The following LAMA1 variants were observed in gnomAD, a reference collection of about 807,000 sequenced individuals.
LAMA1 encodes the protein laminin subunit alpha-1.
Under a neutral mutation model 348.7 loss-of-function variants are expected in LAMA1, and 219 were observed. The ratio of observed to expected loss-of-function variants is 0.63; its 90% CI spans 0.56 to 0.70. LAMA1 has a LOEUF of 0.70. Ranked by LOEUF, LAMA1 falls within the 30% of genes least tolerant of loss-of-function variation. The pLI, the probability that LAMA1 is intolerant of heterozygous loss-of-function variation, is 0.00. For synonymous variants in LAMA1, 1,487 were observed against 1,491.0 expected (o/e 1.00, Z 0.06); for missense variants, 3,744 against 3,888.0 (o/e 0.96, Z 0.99).
intron 43 of LAMA1, 150 bp downstream of exon 43, chr18:6,978,046 C>G: frequency 1.6e-6 from 2 of 1,281,420 alleles, no homozygotes; most frequent in Non-Finnish European, 2.2e-6. Flanking sequence ...ATGCATTTCC[C>G]AAGGTCCTTC....
At position 6,999,534 on chromosome 18, in the gene LAMA1, G is replaced by A. The variant is rs200483652; in HGVS notation, c.4574C>T (p.Ser1525Phe). 1 of 1,614,140 alleles carries A rather than the reference G, an allele frequency of 6.2e-7. No individual in the cohort carries two copies. The highest frequency in any genetic ancestry group is 2.2e-5 in the East Asian group (1 of 44,868). ...GSVHGDCDRT[S>F]GQCVCRLGAS... ...CCCCAGCCTGCAAACGCACTGCCCAGATGTGCGGTCACAGTCACCGTGGAC... is the reference window on the plus strand; with the variant it reads ...CCCCAGCCTGCAAACGCACTGCCCAAATGTGCGGTCACAGTCACCGTGGAC... Residue 1525 changes from serine to phenylalanine, a missense_variant, in exon 32 of 63, where the codon TCT becomes TTT. Physicochemically the swap from Ser to Phe is radical, Grantham distance 155. Transcript: ENST00000389658.
chr18:7,027,622 G>C (rs540441378), intron 16 of LAMA1, among the ~76,000 whole-genome samples: 53 of 151,964 alleles, frequency 3.5e-4, no homozygotes, highest in African/African-American at 1.3e-3. Flanking sequence ...ACAAATCATA[G>C]AGATGATGGA....
chr18:7,008,688 G>C (rs2057844842), intron 27 of LAMA1, 80 bp from the exon 28 acceptor site: 1 of 1,510,162 alleles, frequency 6.6e-7, no homozygotes, highest in Non-Finnish European at 9.1e-7. Flanking sequence ...CCTAACACTT[G>C]CATATATATG....
intron 36 of LAMA1, among the ~76,000 whole-genome samples, chr18:6,992,123 T>G (rs998573574): frequency 2.0e-5 from 3 of 152,244 alleles, no homozygotes; most frequent in African/African-American, 7.2e-5. Context: ...ATCGTGGGTT[T>G]CAATGTAACT....
chr18:7,097,999 G>A (rs2058269572), intron 1 of LAMA1, among the ~76,000 whole-genome samples: 1 of 149,546 alleles, frequency 6.7e-6, no homozygotes, highest in South Asian at 2.2e-4. Flanking sequence ...GCCTGCGATT[G>A]CAGGCTCGCG....
At chr18:6,964,938 G>T (rs565582664) in intron 50 of LAMA1, 135 bp from the exon 51 acceptor site, 2 of 1,020,710 alleles carry the variant, frequency 2.0e-6, no homozygotes, top group Middle Eastern at 2.9e-4. Context: ...ATCAGCTAAT[G>T]TTCTTGGCTA....
chr18:6,971,631 T>A lies in LAMA1; in HGVS notation c.6899+226A>T, dbSNP rs547921301. 2.0e-5 allele frequency among the ~76,000 whole-genome samples: 3 copies of A among 152,196 alleles called. No homozygotes were observed. The East Asian group carries it at 5.8e-4, about 29-fold the overall frequency. ...CATTATATCATCTGACAATATAATA[T>A]AATAATATAATGTAGATTGGTATAA... On this transcript the variant is annotated intron_variant, in intron 48 of 62. Coordinates refer to ENST00000389658, the MANE Select transcript of LAMA1 (RefSeq NM_005559.4).
At chr18:6,978,172 C>G (rs1313999036) in intron 43 of LAMA1, 24 bp downstream of exon 43, 1 of 1,614,134 alleles carries the variant, frequency 6.2e-7, no homozygotes, top group Non-Finnish European at 8.5e-7. Flanking sequence ...ACGATCATGA[C>G]TGGAAGGAAG....
intron 1 of LAMA1, among the ~76,000 whole-genome samples, chr18:7,092,714 A>G (rs1296167763): frequency 6.6e-6 from 1 of 151,776 alleles, no homozygotes; most frequent in South Asian, 2.1e-4. Context: ...CTTTCAGTAC[A>G]CTTGAACTTG....
At chr18:6,983,375 A>G (rs2057720758) in intron 39 of LAMA1, 141 bp from the exon 40 acceptor site, 3 of 876,500 alleles carry the variant, frequency 3.4e-6, no homozygotes, top group Admixed American at 2.1e-5. Flanking sequence ...ATAAAAAATA[A>G]CAACCTATGG....
At chr18:7,037,510 G>C (rs1024798134) in intron 12 of LAMA1, 68 bp downstream of exon 12, 1 of 1,574,452 alleles carries the variant, frequency 6.4e-7, no homozygotes, top group Admixed American at 1.7e-5. Context: ...TGCAGGCAGC[G>C]CAAGTTCTTT....
intron 47 of LAMA1, among the ~76,000 whole-genome samples, chr18:6,972,378 T>TA (rs1487728852): frequency 6.6e-6 from 1 of 152,172 alleles, no homozygotes; most frequent in Admixed American, 6.5e-5. Flanking sequence ...ACTGATATAA[T>TA]AAAATAAATA....
intron 22 of LAMA1, 134 bp downstream of exon 22, chr18:7,015,588 G>GTTTT (rs35052861): frequency 9.7e-4 from 891 of 916,360 alleles, no homozygotes; most frequent in Middle Eastern, 1.8e-3. Context: ...CCCACATTGA[G>GTTTT]TTTTTTTTTT....
intron 24 of LAMA1, among the ~76,000 whole-genome samples, chr18:7,011,689 G>A (rs552772517): frequency 1.3e-4 from 20 of 152,242 alleles, no homozygotes; most frequent in South Asian, 6.2e-4. Flanking sequence ...CTGTTGCTAC[G>A]CTGGGGAAAC....
rs574143994 is a variant in LAMA1, at chr18:7,007,020, T to G, written c.4260+119A>C. The G allele has an allele frequency of 3.5e-5, 49 of 1,388,654 alleles. No homozygotes were observed. In the Admixed American group the frequency reaches 4.5e-4, roughly 13 times the overall value. 86.0% of individuals were successfully genotyped at this position (1,388,654 alleles called of 1,614,324 possible). On this transcript the variant is annotated intron_variant, in intron 29 of 62. Transcript: ENST00000389658. Reference sequence around the variant, plus strand: ...CAAGGAAATAGGTTTATATTTTATATTTAGCTAAATTTAACCTCTCACTAA... The same window carrying G: ...CAAGGAAATAGGTTTATATTTTATAGTTAGCTAAATTTAACCTCTCACTAA...
chr18:7,064,263 TATA>T lies in LAMA1; in HGVS notation c.346-13330_346-13328del, dbSNP rs142897313. ...GGTAAATTTTATGATATGCATATTT[TATA>T]ATAACACCCCCTCCAAAAAAAAAGA... On this transcript the variant is annotated intron_variant, in intron 3 of 62. Coordinates refer to ENST00000389658, the MANE Select transcript of LAMA1 (RefSeq NM_005559.4). 0.017 allele frequency among the ~76,000 whole-genome samples: 2,607 copies of T among 152,236 alleles called. 141 individuals are homozygous for T. The East Asian group carries it at 0.22, about 13-fold the overall frequency.
At chr18:7,023,696 A>G (rs2057928982) in intron 18 of LAMA1, among the ~76,000 whole-genome samples, 1 of 152,152 alleles carries the variant, frequency 6.6e-6, no homozygotes, top group Admixed American at 6.5e-5. Context: ...AGACGCACAC[A>G]TAGGAAAGAC....
At chr18:7,111,717 A>T (rs567729301) in intron 1 of LAMA1, among the ~76,000 whole-genome samples, 2 of 152,362 alleles carry the variant, frequency 1.3e-5, no homozygotes, top group East Asian at 3.9e-4. Context: ...TATTTTAGAA[A>T]TAAAACAAGT....
At chr18:6,998,965 G>A (rs996356478) in intron 32 of LAMA1, among the ~76,000 whole-genome samples, 4 of 152,128 alleles carry the variant, frequency 2.6e-5, no homozygotes, top group Admixed American at 6.5e-5. Flanking sequence ...TCCAGGAGGC[G>A]GAGGTTGCAA....
Sources: allele counts gnomAD v4.1 joint callset (sites outside exome capture counted in the v4.1 genomes callset), GRCh38; gene constraint gnomAD v4.1.1; transcripts MANE v1.5; gene names NCBI Gene and HGNC (gene_info 2026-07-23, HGNC 2026-07-21).